The following HEXB variants were observed in gnomAD, a reference collection of about 807,000 sequenced individuals.
The protein encoded by HEXB is hexosaminidase subunit beta.
HEXB carries 51 observed loss-of-function variants against 71.2 expected under a neutral mutation model. The ratio of observed to expected loss-of-function variants is 0.72; its 90% confidence interval spans 0.57 to 0.90. HEXB has a LOEUF of 0.90. Ranked by LOEUF, HEXB falls within the 40% of genes least tolerant of loss-of-function variation. The pLI, the probability that HEXB is intolerant of heterozygous loss-of-function variation, is 0.00. For missense variants in HEXB, 617 were observed against 677.0 expected, an observed-to-expected ratio of 0.91 and a Z score of 0.98; for synonymous variants, 266 against 249.3, an observed-to-expected ratio of 1.07 and a Z score of -0.63.
At chr5:74,659,128 C>T (rs1748273405) in intron 1 of HEXB, among the ~76,000 whole-genome samples, 1 of 151,414 alleles carries the variant, frequency 6.6e-6, no homozygotes, top group African/African-American at 2.4e-5. Context: ...AAAAAAAAAA[C>T]TTGTCTTTGG....
At chr5:74,671,243 T>G (rs1178017890) in intron 1 of HEXB, among the ~76,000 whole-genome samples, 1 of 152,156 alleles carries the variant, frequency 6.6e-6, no homozygotes, top group Admixed American at 6.5e-5. Context: ...CATCAGACCT[T>G]ACGTCCACTG....
At chr5:74,670,883 C>A (rs1036231205) in intron 1 of HEXB, among the ~76,000 whole-genome samples, 51 of 152,130 alleles carry the variant, frequency 3.4e-4, no homozygotes, top group African/African-American at 1.2e-3. Context: ...GCTCACACAC[C>A]CCCTCCCACC....
chr5:74,659,974 T>A (rs771276630), intron 1 of HEXB, among the ~76,000 whole-genome samples: 3 of 152,082 alleles, frequency 2.0e-5, no homozygotes, highest in Admixed American at 6.6e-5. Context: ...TGTCTATAAC[T>A]GATGGAATGG....
intron 5 of HEXB, among the ~76,000 whole-genome samples, chr5:74,702,139 C>T (rs1260851389): frequency 2.8e-5 from 3 of 108,938 alleles, no homozygotes; most frequent in African/African-American, 1.1e-4. Context: ...AGTGCAGTGG[C>T]GGGATCTCGG....
intron 2 of HEXB, chr5:74,689,737 A>AT (rs1748955094): frequency 4.1e-6 from 2 of 485,894 alleles, no homozygotes; most frequent in Non-Finnish European, 7.3e-6. Context: ...TTTTAGGTGT[A>AT]TTTTTTTGCA....
intron 6 of HEXB, chr5:74,705,757 A>T: frequency 4.1e-6 from 1 of 244,120 alleles, no homozygotes; most frequent in Non-Finnish European, 8.0e-6. Context: ...AAATAATGGT[A>T]GTCTCAGTTA....
At chr5:74,664,909 G>T (rs1041098007) in intron 1 of HEXB, among the ~76,000 whole-genome samples, 1 of 152,160 alleles carries the variant, frequency 6.6e-6, no homozygotes, top group African/African-American at 2.4e-5. Context: ...TCACACTCTC[G>T]TTGTGGGAGG....
intron 1 of HEXB, among the ~76,000 whole-genome samples, chr5:74,644,116 T>C (rs953754410): frequency 1.3e-5 from 2 of 152,178 alleles, no homozygotes; most frequent in Non-Finnish European, 2.9e-5. Context: ...GTAGCACATA[T>C]GTTGCGATCA....
chr5:74,702,278 C>T (rs1459805957), intron 5 of HEXB, among the ~76,000 whole-genome samples: 1 of 151,058 alleles, frequency 6.6e-6, no homozygotes, highest in Non-Finnish European at 1.5e-5. Context: ...CGGGGTTTCA[C>T]CGTTTTAGCC....
rs569450311 is a variant in HEXB at position 74,699,818 on chromosome 5, A to G, written c.669+2712A>G. On this transcript the variant is annotated intron_variant, in intron 5 of 13. Coordinates refer to ENST00000261416, the MANE Select transcript of HEXB (RefSeq NM_000521.4). ...TATACTGTCAGGCTGCCTTCTAGAC[A>G]GGTCGGTCATAGCCACATATGCTTG... is the stretch of plus-strand genomic sequence containing the variant. Among the ~76,000 whole-genome samples the G allele has an allele frequency of 1.4e-3, 211 of 152,186 alleles. 1 individual carries two copies. Among genetic ancestry groups the G allele is most frequent in the African/African-American group, 5.0e-3 (206 of 41,548 alleles).
intron 5 of HEXB, among the ~76,000 whole-genome samples, chr5:74,699,505 C>T (rs1388884154): frequency 1.3e-5 from 2 of 151,940 alleles, no homozygotes; most frequent in African/African-American, 4.8e-5. Flanking sequence ...GAACTCCTGA[C>T]CTCAAGTGAT....
At chr5:74,670,273 G>A (rs1748508496) in intron 1 of HEXB, among the ~76,000 whole-genome samples, 1 of 150,070 alleles carries the variant, frequency 6.7e-6, no homozygotes. Flanking sequence ...AAACCAGTCA[G>A]TACACACTCC....
At chr5:74,708,754 T>C (rs1204597349) in intron 6 of HEXB, among the ~76,000 whole-genome samples, 1 of 150,728 alleles carries the variant, frequency 6.6e-6, no homozygotes, top group Non-Finnish European at 1.5e-5. Context: ...ATCCTAAATA[T>C]ATATGCACCC....
intron 5 of HEXB, among the ~76,000 whole-genome samples, chr5:74,702,956 T>C (rs888036296): frequency 4.6e-5 from 7 of 152,194 alleles, no homozygotes; most frequent in Admixed American, 4.6e-4. Flanking sequence ...CCCTGTTTTT[T>C]TGTTTGTTTG....
intron 6 of HEXB, among the ~76,000 whole-genome samples, chr5:74,707,838 C>T (rs6877999): frequency 0.019 from 2,727 of 142,320 alleles, 87 homozygotes; most frequent in African/African-American, 0.066. Context: ...GTGAAAGTGA[C>T]GGGGAGAATG....
At chr5:74,682,057 C>T (rs1412936752), upstream of HEXB, among the ~76,000 whole-genome samples, 1 of 152,194 alleles carries the variant, frequency 6.6e-6, no homozygotes, top group Non-Finnish European at 1.5e-5. Context: ...TGCAAGTTAA[C>T]TTAGAAGTAG....
At chr5:74,721,003 G>A (rs1433839416) in intron 13 of HEXB, 115 bp from the exon 14 acceptor site, 6 of 958,048 alleles carry the variant, frequency 6.3e-6, no homozygotes, top group Non-Finnish European at 9.9e-6. Context: ...GTAATGCTGT[G>A]ATTTAGTGAT....
At chr5:74,697,202 G>A (rs1219664335) in intron 5 of HEXB, 96 bp downstream of exon 5, 1 of 731,004 alleles carries the variant, frequency 1.4e-6, no homozygotes, top group East Asian at 2.6e-5. Context: ...GTTTGGAACA[G>A]GGGAATTTGT....
intron 1 of HEXB, among the ~76,000 whole-genome samples, chr5:74,669,651 C>G (rs929643235): frequency 6.6e-6 from 1 of 152,058 alleles, no homozygotes; most frequent in Non-Finnish European, 1.5e-5. Context: ...TAAACCAGCA[C>G]CATGCTGACT....
Sources: gnomAD v4.1 joint callset for allele counts (sites outside exome capture counted in the v4.1 genomes callset) on GRCh38, gnomAD v4.1.1 for gene constraint, MANE v1.5 for transcripts, NCBI Gene and HGNC (gene_info 2026-07-23, HGNC 2026-07-21) for gene names.